The following UNC79 variants were observed in gnomAD, a reference collection of about 807,000 sequenced individuals.
UNC79 encodes unc-79 subunit of NALCN channel complex.
Under a neutral mutation model 283.1 loss-of-function variants are expected in UNC79, and 37 were observed. The observed-to-expected ratio is 0.13, with a 90% CI of 0.10 to 0.17. The LOEUF is 0.17. Among genes scored for constraint, UNC79 ranks in the 10% least tolerant of loss-of-function variants. UNC79 has a pLI of 1.00. For synonymous variants in UNC79, 1,107 were observed against 1,200.2 expected (o/e 0.92, Z 1.61); for missense variants, 2,272 against 3,211.1 (o/e 0.71, Z 7.07).
intron 4 of UNC79, among the ~76,000 whole-genome samples, chr14:93,483,904 G>A (rs568165988): frequency 6.6e-6 from 1 of 152,304 alleles, no homozygotes; most frequent in African/African-American, 2.4e-5. Context: ...ATTCCATGGT[G>A]TATATGTGCC....
At chr14:93,635,726 G>A (rs974025771) in intron 31 of UNC79, among the ~76,000 whole-genome samples, 1 of 152,120 alleles carries the variant, frequency 6.6e-6, no homozygotes, top group African/African-American at 2.4e-5. Context: ...GACTTTATAA[G>A]GGTTCTTTAC....
chr14:93,362,938 T>C (rs2054255722), intron 1 of UNC79, among the ~76,000 whole-genome samples: 1 of 152,104 alleles, frequency 6.6e-6, no homozygotes, highest in African/African-American at 2.4e-5. Flanking sequence ...AAACTTTTGG[T>C]TTTTATGGCT....
At chr14:93,592,870 C>A (rs2064797215) in intron 22 of UNC79, among the ~76,000 whole-genome samples, 1 of 152,172 alleles carries the variant, frequency 6.6e-6, no homozygotes, top group Non-Finnish European at 1.5e-5. Context: ...TCTCTGTCTT[C>A]TCCTCCTCCC....
intron 1 of UNC79, among the ~76,000 whole-genome samples, chr14:93,358,144 A>G (rs944068302): frequency 1.3e-5 from 2 of 151,798 alleles, no homozygotes; most frequent in African/African-American, 4.8e-5. Flanking sequence ...CCATAATGGT[A>G]AGGATGCTAC....
chr14:93,362,599 C>T (rs188459545), intron 1 of UNC79, among the ~76,000 whole-genome samples: 30 of 152,272 alleles, frequency 2.0e-4, no homozygotes, highest in African/African-American at 7.2e-4. Flanking sequence ...TCTCCTGCCT[C>T]GGCCTCCCAA....
At chr14:93,401,942 A>G (rs1347942605) in intron 1 of UNC79, among the ~76,000 whole-genome samples, 2 of 152,186 alleles carry the variant, frequency 1.3e-5, no homozygotes, top group Non-Finnish European at 2.9e-5. Context: ...CTCACACAGG[A>G]CGTATCCAAT....
chr14:93,481,398 T>C (rs2058133314), intron 4 of UNC79, among the ~76,000 whole-genome samples: 1 of 152,156 alleles, frequency 6.6e-6, no homozygotes, highest in Non-Finnish European at 1.5e-5. Flanking sequence ...TGGGAGATGA[T>C]GGCTTTGGCA....
At chr14:93,423,903 A>T (rs1374763935) in intron 1 of UNC79, among the ~76,000 whole-genome samples, 1 of 152,230 alleles carries the variant, frequency 6.6e-6, no homozygotes, top group Admixed American at 6.5e-5. Context: ...CAGCAAAAGA[A>T]ACAATCAACA....
rs376506929 is a variant in UNC79 at position 93,600,062 on chromosome 14, T to C, written c.3373-507T>C. 3.8e-3 allele frequency among the ~76,000 whole-genome samples: 574 copies of C among 151,992 alleles called. 17 individuals are homozygous for C. In the South Asian group the frequency reaches 0.07, roughly 19 times the overall value. ...AAAAATACAAAAAATTAGCCGGGCG[T>C]GGTGGCGGGCGCCTGTAGTCCCAGC... is the stretch of plus-strand genomic sequence containing the variant. On this transcript the variant is annotated intron_variant, in intron 24 of 48. Transcript: ENST00000555664.
intron 18 of UNC79, among the ~76,000 whole-genome samples, chr14:93,579,472 T>G (rs2063659290): frequency 6.6e-6 from 1 of 152,182 alleles, no homozygotes; most frequent in Non-Finnish European, 1.5e-5. Flanking sequence ...GATGGAATAC[T>G]TTCTCCTTCT....
chr14:93,571,975 T>C (rs1399178294), exon 15 of UNC79: 1 of 1,614,226 alleles, frequency 6.2e-7, no homozygotes, highest in Admixed American at 1.7e-5. Context: ...CCTGATCCCC[T>C]ATAATGTGAT....
rs765212279 is a variant in UNC79 at position 93,603,402 on chromosome 14, C to A, written c.3738C>A (p.Thr1246=). 2.5e-6 allele frequency: 4 copies of A among 1,613,796 alleles called. No individual in the cohort carries two copies. The South Asian group carries it at 3.3e-5, about 13-fold the overall frequency. The change falls in exon 26 of 49, where the codon ACC becomes ACA. Residue 1246 remains threonine, a synonymous_variant. Transcript: ENST00000555664. ...AGAGGGCGCTCTCCCTCCCTGAGAC[C>A]CTGACCTCCAAAATTCGTTGAGTAT...
At chr14:93,390,440 A>G (rs1008097883) in intron 1 of UNC79, among the ~76,000 whole-genome samples, 2 of 152,200 alleles carry the variant, frequency 1.3e-5, no homozygotes, top group African/African-American at 4.8e-5. Context: ...GTTTTCTTCA[A>G]TGTTGCACTG....
At chr14:93,340,737 A>C (rs2053690880) in intron 1 of UNC79, among the ~76,000 whole-genome samples, 2 of 151,904 alleles carry the variant, frequency 1.3e-5, no homozygotes, top group African/African-American at 4.8e-5. Context: ...ATACCTGGAT[A>C]ATTTTTGTAT....
chr14:93,596,490 C>T (rs980332693), intron 23 of UNC79, among the ~76,000 whole-genome samples: 2 of 152,192 alleles, frequency 1.3e-5, no homozygotes, highest in African/African-American at 4.8e-5. Context: ...CTAAAGTTAG[C>T]TGGGCATGGT....
intron 1 of UNC79, among the ~76,000 whole-genome samples, chr14:93,369,139 A>G (rs1053859830): frequency 1.3e-5 from 2 of 152,208 alleles, no homozygotes; most frequent in Non-Finnish European, 1.5e-5. Flanking sequence ...CATTAACCCA[A>G]AGGGTGTTGT....
intron 40 of UNC79, among the ~76,000 whole-genome samples, chr14:93,672,422 A>G (rs2072959932): frequency 6.6e-6 from 1 of 152,192 alleles, no homozygotes; most frequent in Non-Finnish European, 1.5e-5. Flanking sequence ...CAGAAAGACA[A>G]ATATCATATG....
At position 93,572,956 on chromosome 14, in the gene UNC79, T is replaced by C. The variant is rs370411123; in HGVS notation, c.2070+140T>C. ...GCCAAGAAAGTGTATCTCCTATGCA[T>C]AGATAAATGAGTAAATTTCAAATAT... On this transcript the variant is annotated intron_variant, in intron 16 of 48. Transcript: ENST00000555664. 1.0e-3 allele frequency: 1,012 copies of C among 984,882 alleles called. 19 individuals are homozygous for C. The South Asian group carries it at 0.023, about 22-fold the overall frequency. 61.0% of individuals were successfully genotyped at this position (984,882 alleles called of 1,614,324 possible). A position where few individuals can be genotyped will look rare whatever the true frequency, so the allele number is the denominator to read the frequency against.
At chr14:93,625,446 G>C (rs2067493734) in intron 30 of UNC79, among the ~76,000 whole-genome samples, 1 of 152,098 alleles carries the variant, frequency 6.6e-6, no homozygotes, top group Non-Finnish European at 1.5e-5. Context: ...TTTAATATTA[G>C]TGTAGATGAC....
Sources: gnomAD v4.1 joint callset for allele counts (sites outside exome capture counted in the v4.1 genomes callset) on GRCh38, gnomAD v4.1.1 for gene constraint, MANE v1.5 for transcripts, NCBI Gene and HGNC (gene_info 2026-07-23, HGNC 2026-07-21) for gene names.